Variants in KLHL7 observed in about 807,000 individuals in gnomAD.
The protein encoded by KLHL7 is kelch-like protein 7.
A neutral mutation model predicts 67.4 loss-of-function variants in KLHL7; 44 were observed. That is an observed-to-expected ratio of 0.65 (90% confidence interval 0.51 to 0.84). KLHL7 has a LOEUF of 0.84. Ranked by LOEUF, KLHL7 falls within the 40% of genes least tolerant of loss-of-function variation. The pLI is 0.00. For synonymous variants in KLHL7, 252 were observed against 243.3 expected (o/e 1.04, Z -0.33); for missense variants, 362 against 718.1 (o/e 0.50, Z 5.67).
intron 6 of KLHL7, among the ~76,000 whole-genome samples, chr7:23,150,950 A>G (rs1470291587): frequency 6.6e-6 from 1 of 152,160 alleles, no homozygotes; most frequent in Non-Finnish European, 1.5e-5. Flanking sequence ...GTTGCTGGTA[A>G]TTCTTATAAA....
chr7:23,171,548 G>A (rs1785160935), intron 9 of KLHL7, among the ~76,000 whole-genome samples: 1 of 152,152 alleles, frequency 6.6e-6, no homozygotes, highest in Admixed American at 6.5e-5. Flanking sequence ...CTAAAAACAG[G>A]AGCCATGCTG....
At position 23,142,028 on chromosome 7, in the gene KLHL7, C is replaced by T. The variant is rs573293910; in HGVS notation, c.618+1084C>T. ...CCACCTCCCGGGTTCAAGCGATTCT[C>T]ATGCCTCAGCCTCTCAAGTAGCTGG... is the stretch of plus-strand genomic sequence containing the variant. On this transcript the variant is annotated intron_variant, in intron 5 of 10. Coordinates refer to ENST00000339077, the MANE Select transcript of KLHL7 (RefSeq NM_001031710.3). Among the ~76,000 whole-genome samples, 3 of 152,258 alleles carry T rather than the reference C, an allele frequency of 2.0e-5. No homozygotes were observed. In the East Asian group the frequency reaches 5.8e-4, roughly 29 times the overall value.
intron 5 of KLHL7, among the ~76,000 whole-genome samples, 183 bp from the exon 6 acceptor site, chr7:23,143,668 A>G (rs190772319): frequency 1.3e-5 from 2 of 152,300 alleles, no homozygotes; most frequent in Admixed American, 6.5e-5. Context: ...TATTACCTAC[A>G]AGACTCACTA....
chr7:23,143,731 T>C, intron 5 of KLHL7, 120 bp from the exon 6 acceptor site: 1 of 1,027,734 alleles, frequency 9.7e-7, no homozygotes, highest in Non-Finnish European at 1.5e-6. Flanking sequence ...GGATGAAAAA[T>C]ACTAGAAATA....
chr7:23,157,792 T>C (rs4722233), intron 7 of KLHL7, among the ~76,000 whole-genome samples: 141,416 of 152,212 alleles, frequency 0.93, 65,838 homozygotes, highest in East Asian at 0.99. Flanking sequence ...ATATGACTGG[T>C]GCTGGGAGTC....
At chr7:23,129,433 A>G (rs1048428586) in intron 4 of KLHL7, 5 of 377,674 alleles carry the variant, frequency 1.3e-5, no homozygotes, top group African/African-American at 2.2e-5. Flanking sequence ...CTCACCTAAT[A>G]TAGCTGGTTT....
In KLHL7 at chr7:23,176,790, A is replaced by G. The variant is rs1347694219; in HGVS notation, c.*2492A>G. Reference sequence around the variant, plus strand: ...GGAGTTTGAGACCAGCCTGGACAACATGCCAAAACCCCGTCTCTACTAAAA... The same window carrying G: ...GGAGTTTGAGACCAGCCTGGACAACGTGCCAAAACCCCGTCTCTACTAAAA... On this transcript the variant is annotated 3_prime_UTR_variant, in exon 11 of 11. Coordinates refer to ENST00000339077, the MANE Select transcript of KLHL7 (RefSeq NM_001031710.3). 1 of 152,294 alleles carries G rather than the reference A, an allele frequency of 6.6e-6. No individual in the cohort carries two copies. The highest frequency in any genetic ancestry group is 1.5e-5 in the Non-Finnish European group (1 of 68,234). The allele number at this position is 152,294 out of a possible 1,614,324, so 9.4% of individuals were successfully genotyped here. A position where few individuals can be genotyped will look rare whatever the true frequency, so the allele number is the denominator to read the frequency against.
chr7:23,159,611 A>G (rs1282038236), intron 7 of KLHL7, among the ~76,000 whole-genome samples: 2 of 152,074 alleles, frequency 1.3e-5, no homozygotes, highest in Non-Finnish European at 2.9e-5. Context: ...GGTTCACTGC[A>G]GCCTCAACCT....
chr7:23,175,078 G>A lies in KLHL7; in HGVS notation c.*780G>A, dbSNP rs1196787607. The A allele has an allele frequency of 6.6e-6, 3 of 453,820 alleles. No individual in the cohort carries two copies. The highest frequency in any genetic ancestry group is 1.3e-5 in the Non-Finnish European group (3 of 226,722). 28.1% of individuals were successfully genotyped at this position (453,820 alleles called of 1,614,324 possible). Reference sequence around the variant, plus strand: ...ATAGTAAGTGATTAACTAGCAAAAAGTAAAGCTATTTATAGCAAATTTCTA... The same window carrying A: ...ATAGTAAGTGATTAACTAGCAAAAAATAAAGCTATTTATAGCAAATTTCTA... On this transcript the variant is annotated 3_prime_UTR_variant, in exon 11 of 11. Coordinates refer to ENST00000339077, the MANE Select transcript of KLHL7 (RefSeq NM_001031710.3).
chr7:23,124,908 A>G (rs780966204), intron 3 of KLHL7, 127 bp downstream of exon 3: 2 of 1,053,698 alleles, frequency 1.9e-6, no homozygotes, highest in Admixed American at 2.0e-5. Flanking sequence ...GAAGAGTTTC[A>G]GTATCCTATG....
chr7:23,105,949 A>G lies in KLHL7; in HGVS notation c.-78A>G, dbSNP rs1782614502. On this transcript the variant is annotated 5_prime_UTR_variant, in exon 1 of 11. The change creates a new upstream start codon in the 5' untranslated region. Transcript: ENST00000339077. ...CTGCCGATCGCCGTGTTTGGTCGAT[A>G]GAATCCCCAGTGTGCCCAGAGAGTG... The G allele has an allele frequency of 1.3e-6, 2 of 1,563,360 alleles. No individual in the cohort carries two copies. Among genetic ancestry groups the G allele is most frequent in the African/African-American group, 1.3e-5 (1 of 74,548 alleles).
intron 1 of KLHL7, among the ~76,000 whole-genome samples, chr7:23,117,097 T>G (rs973788408): frequency 9.9e-5 from 14 of 140,810 alleles, no homozygotes; most frequent in African/African-American, 3.7e-4. Flanking sequence ...TTTTTTTTTT[T>G]TTTTTTTTGA....
intron 1 of KLHL7, among the ~76,000 whole-genome samples, chr7:23,121,647 A>T (rs1458470427): frequency 1.3e-5 from 2 of 149,600 alleles, no homozygotes; most frequent in African/African-American, 4.9e-5. Context: ...TATTAATAAC[A>T]GGAGGGGCCT....
chr7:23,110,299 C>T (rs1782812747), intron 1 of KLHL7, among the ~76,000 whole-genome samples: 1 of 151,396 alleles, frequency 6.6e-6, no homozygotes, highest in South Asian at 2.1e-4. Flanking sequence ...TCCCTTTTCT[C>T]TTCTTATCCT....
intron 1 of KLHL7, among the ~76,000 whole-genome samples, chr7:23,118,437 G>C (rs6962231): frequency 0.078 from 11,898 of 152,170 alleles, 1,331 homozygotes; most frequent in African/African-American, 0.24. Flanking sequence ...TGATGAGCAG[G>C]AACAGTCCTC....
chr7:23,134,091 G>A (rs962993611), intron 4 of KLHL7, among the ~76,000 whole-genome samples: 13 of 152,068 alleles, frequency 8.5e-5, no homozygotes, highest in African/African-American at 3.1e-4. Context: ...TGGGTCTGTT[G>A]TATATGGCTT....
chr7:23,120,373 G>A (rs1783283460), intron 1 of KLHL7, among the ~76,000 whole-genome samples: 2 of 152,114 alleles, frequency 1.3e-5, no homozygotes, highest in Admixed American at 1.3e-4. Context: ...TACATGTGAT[G>A]TCTGCTGTTG....
intron 4 of KLHL7, 191 bp from the exon 5 acceptor site, chr7:23,140,578 C>CAAAA: frequency 3.3e-6 from 2 of 607,214 alleles, no homozygotes; most frequent in Non-Finnish European, 5.8e-6. Context: ...AAACAAAAAA[C>CAAAA]AAAAAAAAAA....
chr7:23,126,600 T>C (rs998136060), intron 4 of KLHL7, among the ~76,000 whole-genome samples: 1 of 152,180 alleles, frequency 6.6e-6, no homozygotes, highest in Non-Finnish European at 1.5e-5. Context: ...CTGAAGATGC[T>C]TCAGAATTTT....
Sources: gnomAD v4.1 joint callset for allele counts (sites outside exome capture counted in the v4.1 genomes callset) on GRCh38, gnomAD v4.1.1 for gene constraint, MANE v1.5 for transcripts, NCBI Gene and HGNC (gene_info 2026-07-23, HGNC 2026-07-21) for gene names.